Variants in FOXP1 observed in about 807,000 individuals in gnomAD.
FOXP1 encodes forkhead box protein P1.
In FOXP1, 15 loss-of-function variants were observed where a neutral mutation model predicts 98.2. The ratio of observed to expected loss-of-function variants is 0.15; its 90% CI spans 0.10 to 0.24. The LOEUF is 0.24. Ranked by LOEUF, FOXP1 falls within the 10% of genes least tolerant of loss-of-function variation. FOXP1 has a pLI of 1.00. For missense variants in FOXP1, 633 were observed against 848.5 expected (o/e 0.75, Z 3.15); for synonymous variants, 371 against 314.5 (o/e 1.18, Z -1.90).
intron 2 of FOXP1, among the ~76,000 whole-genome samples, chr3:71,523,050 G>A (rs1189436732): frequency 3.9e-5 from 6 of 152,176 alleles, no homozygotes; most frequent in African/African-American, 1.4e-4. Flanking sequence ...TACTGAAGTG[G>A]GGTGGGACCC....
intron 5 of FOXP1, among the ~76,000 whole-genome samples, chr3:71,260,689 C>T (rs1201856515): frequency 6.6e-6 from 1 of 151,964 alleles, no homozygotes; most frequent in African/African-American, 2.4e-5. Context: ...ACTACAGGCG[C>T]ACGTCACCAT....
Position 71,490,260 on chromosome 3 carries a change from G to A in FOXP1, c.-168+3166C>T, listed in dbSNP as rs141629249. ...ACCTGTAATCCTAGAACTTTGGGAG[G>A]CTCAGGTGGACAGATCACCTGAGGT... On this transcript the variant is annotated intron_variant, in intron 3 of 20. Transcript: ENST00000649528. Among the ~76,000 whole-genome samples, 29 of 152,196 alleles carry A rather than the reference G, an allele frequency of 1.9e-4. 1 individual carries two copies. In the East Asian group the frequency reaches 5.0e-3, roughly 26 times the overall value.
chr3:71,401,388 G>C (rs1220178310), intron 3 of FOXP1, among the ~76,000 whole-genome samples: 1 of 152,128 alleles, frequency 6.6e-6, no homozygotes, highest in Non-Finnish European at 1.5e-5. Context: ...GTATCAATTG[G>C]TGTGGATGGG....
intron 6 of FOXP1, among the ~76,000 whole-genome samples, chr3:71,115,768 G>A (rs1374799524): frequency 1.3e-4 from 16 of 121,478 alleles, no homozygotes; most frequent in Non-Finnish European, 2.0e-4. Context: ...ACAAAGTCTT[G>A]CTGTGTTGCC....
At chr3:70,989,097 A>C (rs1402422876) in intron 13 of FOXP1, among the ~76,000 whole-genome samples, 1 of 152,222 alleles carries the variant, frequency 6.6e-6, no homozygotes, top group African/African-American at 2.4e-5. Flanking sequence ...TTAAAAATAA[A>C]GTTTTTTAAA....
intron 11 of FOXP1, among the ~76,000 whole-genome samples, chr3:71,019,161 G>A (rs1317906667): frequency 6.6e-6 from 1 of 152,110 alleles, no homozygotes; most frequent in African/African-American, 2.4e-5. Context: ...GACAAGAAGG[G>A]AAATAAAAAT....
chr3:71,487,140 TC>T (rs2090714378), intron 3 of FOXP1, among the ~76,000 whole-genome samples: 1 of 151,860 alleles, frequency 6.6e-6, no homozygotes, highest in Non-Finnish European at 1.5e-5. Context: ...TCTCGTCTTT[TC>T]CAAAGTTACG....
intron 2 of FOXP1, among the ~76,000 whole-genome samples, chr3:71,544,291 A>G (rs1248689693): frequency 2.0e-5 from 3 of 151,526 alleles, no homozygotes; most frequent in African/African-American, 7.3e-5. Flanking sequence ...AATTTATATC[A>G]TCTATAAACT....
intron 13 of FOXP1, among the ~76,000 whole-genome samples, chr3:70,996,353 A>C (rs2041359385): frequency 6.6e-6 from 1 of 152,292 alleles, no homozygotes; most frequent in East Asian, 1.9e-4. Context: ...TAGACAGTCT[A>C]AATCAGTCTC....
chr3:71,093,168 C>T (rs1017193831), intron 7 of FOXP1, among the ~76,000 whole-genome samples: 3 of 151,188 alleles, frequency 2.0e-5, no homozygotes, highest in African/African-American at 7.3e-5. Context: ...GCAGAAGAAT[C>T]GCTTGAACCT....
chr3:71,391,991 G>A (rs895531846), intron 3 of FOXP1, among the ~76,000 whole-genome samples: 1 of 152,284 alleles, frequency 6.6e-6, no homozygotes, highest in South Asian at 2.1e-4. Context: ...TTAATTCAGA[G>A]TGAAAAATCT....
intron 2 of FOXP1, among the ~76,000 whole-genome samples, chr3:71,531,710 C>G (rs1232103026): frequency 3.9e-5 from 6 of 152,078 alleles, no homozygotes; most frequent in Non-Finnish European, 7.4e-5. Context: ...TAAAGGTAAC[C>G]ATCTTCAAGC....
At chr3:71,001,503 A>T (rs1402187789) in intron 12 of FOXP1, among the ~76,000 whole-genome samples, 1 of 152,174 alleles carries the variant, frequency 6.6e-6, no homozygotes, top group Non-Finnish European at 1.5e-5. Context: ...ATTCACGTGA[A>T]TGTCAGAAAT....
rs1329762081 is a variant in FOXP1 at position 71,052,646 on chromosome 3, CG to C, written c.421-21del. The C allele has an allele frequency of 1.8e-5, 18 of 975,192 alleles. No individual in the cohort carries two copies. Among genetic ancestry groups the C allele is most frequent in the Non-Finnish European group, 2.9e-5 (17 of 595,592 alleles). The allele number at this position is 975,192 out of a possible 1,614,324, so 60.4% of individuals were successfully genotyped here. ...CTGCTGCTACAAAGGAAAGAGAGGACGGTAAGTAACAGAGGGTAGCGCCAAT... is the reference window on the plus strand; with the variant it reads ...CTGCTGCTACAAAGGAAAGAGAGGACGTAAGTAACAGAGGGTAGCGCCAAT... On this transcript the variant is annotated intron_variant, in intron 8 of 20. Transcript: ENST00000649528.
chr3:71,458,909 A>G (rs2087754510), intron 3 of FOXP1, among the ~76,000 whole-genome samples: 1 of 152,232 alleles, frequency 6.6e-6, no homozygotes, highest in Admixed American at 6.5e-5. Flanking sequence ...TGTCCATTCC[A>G]ATAGGAAATA....
At chr3:71,348,548 T>A (rs62245966) in intron 4 of FOXP1, among the ~76,000 whole-genome samples, 1 of 132,062 alleles carries the variant, frequency 7.6e-6, no homozygotes, top group African/African-American at 3.4e-5. Flanking sequence ...TGTGTGTGTG[T>A]GCGTGCGCGC....
At chr3:71,427,393 T>A (rs1273192709) in intron 3 of FOXP1, among the ~76,000 whole-genome samples, 2 of 151,684 alleles carry the variant, frequency 1.3e-5, no homozygotes, top group Non-Finnish European at 2.9e-5. Flanking sequence ...ACGGAGAGGG[T>A]CTGGCTGCAG....
chr3:71,371,187 C>T (rs1018072444), intron 3 of FOXP1, among the ~76,000 whole-genome samples: 8 of 152,166 alleles, frequency 5.3e-5, no homozygotes, highest in African/African-American at 9.7e-5. Flanking sequence ...CTGGTTCAGG[C>T]GCCACACTTG....
intron 3 of FOXP1, among the ~76,000 whole-genome samples, chr3:71,490,655 T>C (rs1379359276): frequency 2.0e-5 from 3 of 152,192 alleles, no homozygotes; most frequent in African/African-American, 7.2e-5. Context: ...ATTCTAGTAT[T>C]CCACTAGGCC....
Sources: gnomAD v4.1 joint callset for allele counts (sites outside exome capture counted in the v4.1 genomes callset) on GRCh38, gnomAD v4.1.1 for gene constraint, MANE v1.5 for transcripts, NCBI Gene and HGNC (gene_info 2026-07-23, HGNC 2026-07-21) for gene names.